The following UGGT2 variants were observed in gnomAD, a reference collection of about 807,000 sequenced individuals.
UGGT2 encodes the protein UDP-glucose glycoprotein glucosyltransferase 2.
In UGGT2, 180 loss-of-function variants were observed where a neutral mutation model predicts 192.1. The observed-to-expected ratio is 0.94, with a 90% CI of 0.83 to 1.06. The LOEUF is 1.06. UGGT2 is among the 50% of genes least tolerant of loss of function. UGGT2 has a pLI of 0.00. For synonymous variants in UGGT2, 580 were observed against 591.0 expected, an observed-to-expected ratio of 0.98 and a Z score of 0.27; for missense variants, 1,849 against 1,795.7, an observed-to-expected ratio of 1.03 and a Z score of -0.54.
intron 30 of UGGT2, among the ~76,000 whole-genome samples, chr13:95,863,951 T>C (rs1425425812): frequency 6.6e-6 from 1 of 152,166 alleles, no homozygotes; most frequent in Non-Finnish European, 1.5e-5. Flanking sequence ...AATAATGTGC[T>C]TACCCTTGTG....
intron 8 of UGGT2, among the ~76,000 whole-genome samples, chr13:95,987,456 T>C (rs1198076769): frequency 6.6e-6 from 1 of 152,156 alleles, no homozygotes; most frequent in African/African-American, 2.4e-5. Context: ...CCCCATCACT[T>C]ATACTTTTCT....
chr13:95,836,195 T>G (rs1887268761), intron 37 of UGGT2, among the ~76,000 whole-genome samples: 1 of 152,102 alleles, frequency 6.6e-6, no homozygotes, highest in African/African-American at 2.4e-5. Flanking sequence ...ACTACAGGCA[T>G]GTGCCACCAC....
At chr13:96,051,745 T>A (rs565240517) in intron 1 of UGGT2, among the ~76,000 whole-genome samples, 5 of 152,010 alleles carry the variant, frequency 3.3e-5, no homozygotes, top group Admixed American at 3.3e-4. Flanking sequence ...ATACTAATGA[T>A]CAGGGAAACA....
chr13:96,041,311 C>A (rs781591207), intron 1 of UGGT2, among the ~76,000 whole-genome samples: 1 of 152,072 alleles, frequency 6.6e-6, no homozygotes. Context: ...AAGCAAAATA[C>A]AAGGGTAGAG....
Position 96,053,151 on chromosome 13 carries a change from C to T in UGGT2, c.158+4G>A. On this transcript the variant is annotated splice_donor_region_variant and intron_variant, in intron 1 of 38. Transcript: ENST00000376747. ...GCCCGGACGAGGGCCCGGCCCGCACCCACCTTGCCTCCAGCAGCAGCGGGG... is the reference window on the plus strand; with the variant it reads ...GCCCGGACGAGGGCCCGGCCCGCACTCACCTTGCCTCCAGCAGCAGCGGGG... 1 of 1,503,480 alleles carries T rather than the reference C, an allele frequency of 6.7e-7. No individual in the cohort carries two copies. The allele number at this position is 1,503,480 out of a possible 1,614,324, so 93.1% of individuals were successfully genotyped here. A position where few individuals can be genotyped will look rare whatever the true frequency, so the allele number is the denominator to read the frequency against.
At chr13:95,898,167 C>A (rs2048000899) in intron 22 of UGGT2, among the ~76,000 whole-genome samples, 2 of 152,128 alleles carry the variant, frequency 1.3e-5, no homozygotes, top group Non-Finnish European at 2.9e-5. Flanking sequence ...TGCATTATCT[C>A]CCAACTGGCT....
Position 95,986,233 on chromosome 13 carries a change from C to T in UGGT2, c.1031+100G>A, listed in dbSNP as rs975682891. On this transcript the variant is annotated intron_variant, in intron 9 of 38. Transcript: ENST00000376747. ...TTCACAAAAGCTATATATACTAGAA[C>T]TAATTGACACCTTCATGTTAAATGA... 17 of 815,400 alleles carry T rather than the reference C, an allele frequency of 2.1e-5. 1 individual carries two copies. Among genetic ancestry groups the T allele is most frequent in the Non-Finnish European group, 3.0e-5 (15 of 508,314 alleles). 50.5% of individuals were successfully genotyped at this position (815,400 alleles called of 1,614,324 possible). A position where few individuals can be genotyped will look rare whatever the true frequency, so the allele number is the denominator to read the frequency against.
intron 38 of UGGT2, among the ~76,000 whole-genome samples, chr13:95,804,290 T>C (rs1223108549): frequency 6.6e-6 from 1 of 151,960 alleles, no homozygotes; most frequent in Non-Finnish European, 1.5e-5. Context: ...TAACAAAAAA[T>C]TGCTGAGAGA....
At chr13:95,955,246 G>A (rs1000634174) in intron 12 of UGGT2, among the ~76,000 whole-genome samples, 1 of 152,096 alleles carries the variant, frequency 6.6e-6, no homozygotes, top group Admixed American at 6.5e-5. Flanking sequence ...TAGATCTCAG[G>A]CGGCCTAAAG....
At chr13:95,910,780 T>C (rs1232928920) in intron 20 of UGGT2, among the ~76,000 whole-genome samples, 1 of 152,144 alleles carries the variant, frequency 6.6e-6, no homozygotes, top group East Asian at 1.9e-4. Flanking sequence ...ATCAACAGAA[T>C]ATACATTCTT....
chr13:95,814,446 T>G (rs1884720696), intron 38 of UGGT2, among the ~76,000 whole-genome samples: 1 of 152,244 alleles, frequency 6.6e-6, no homozygotes, highest in African/African-American at 2.4e-5. Context: ...GTTTTGGACC[T>G]GTGTGGGCCT....
At chr13:95,906,783 G>A (rs1446168513) in intron 20 of UGGT2, among the ~76,000 whole-genome samples, 2 of 152,174 alleles carry the variant, frequency 1.3e-5, no homozygotes, top group Non-Finnish European at 2.9e-5. Flanking sequence ...AGAAACAACA[G>A]AAGCCAGAAG....
At chr13:95,997,237 A>G (rs1382498634) in intron 6 of UGGT2, among the ~76,000 whole-genome samples, 1 of 152,224 alleles carries the variant, frequency 6.6e-6, no homozygotes, top group Non-Finnish European at 1.5e-5. Context: ...CACAAAAAAT[A>G]CAGACCATGA....
intron 1 of UGGT2, among the ~76,000 whole-genome samples, chr13:96,041,260 A>C (rs930100145): frequency 1.3e-5 from 2 of 152,184 alleles, no homozygotes; most frequent in Non-Finnish European, 2.9e-5. Flanking sequence ...TCACTGGAGA[A>C]GATTCTGACC....
At chr13:95,808,803 G>GA (rs1334128103) in intron 38 of UGGT2, among the ~76,000 whole-genome samples, 1 of 152,246 alleles carries the variant, frequency 6.6e-6, no homozygotes. Flanking sequence ...AAAGTTATTG[G>GA]AAAACAGGAC....
intron 38 of UGGT2, among the ~76,000 whole-genome samples, chr13:95,809,828 T>C (rs1005024303): frequency 2.0e-5 from 3 of 152,240 alleles, no homozygotes; most frequent in South Asian, 2.1e-4. Context: ...CAGTTTTAGA[T>C]CCTGCACCTT....
At chr13:95,959,669 T>C (rs547832315) in intron 12 of UGGT2, among the ~76,000 whole-genome samples, 41 of 152,286 alleles carry the variant, frequency 2.7e-4, no homozygotes, top group Non-Finnish European at 5.0e-4. Flanking sequence ...CTGCCAACAC[T>C]GGCATGGACC....
At chr13:95,922,040 G>A (rs1594333953) in intron 20 of UGGT2, among the ~76,000 whole-genome samples, 4 of 152,164 alleles carry the variant, frequency 2.6e-5, no homozygotes, top group Admixed American at 2.6e-4. Context: ...GCCCACCAAT[G>A]GTGGACTGAA....
chr13:95,924,091 C>T (rs1354454130), intron 20 of UGGT2, among the ~76,000 whole-genome samples: 2 of 152,114 alleles, frequency 1.3e-5, no homozygotes, highest in South Asian at 2.1e-4. Flanking sequence ...ATGATTATTG[C>T]ACTTCATATA....
Sources: allele counts gnomAD v4.1 joint callset (sites outside exome capture counted in the v4.1 genomes callset), GRCh38; gene constraint gnomAD v4.1.1; transcripts MANE v1.5; gene names NCBI Gene and HGNC (gene_info 2026-07-23, HGNC 2026-07-21).